COL4A2: variants seen among roughly 807,000 people sequenced by gnomAD.
COL4A2 encodes collagen type IV alpha 2 chain.
COL4A2 carries 99 observed loss-of-function variants against 200.2 expected under a neutral mutation model. That is an observed-to-expected ratio of 0.49 (90% CI 0.42 to 0.58). The LOEUF is 0.58. Ranked by LOEUF, COL4A2 falls within the 20% of genes least tolerant of loss-of-function variation. The pLI is 0.00. For synonymous variants in COL4A2, 897 were observed against 900.6 expected (o/e 1.00, Z 0.07); for missense variants, 1,950 against 2,314.1 (o/e 0.84, Z 3.23).
intron 3 of COL4A2, among the ~76,000 whole-genome samples, chr13:110,318,533 G>A (rs1383786179): frequency 6.6e-6 from 1 of 152,210 alleles, no homozygotes; most frequent in Non-Finnish European, 1.5e-5. Context: ...CACAGGAAAT[G>A]TCAGGACTCA....
chr13:110,488,074 TG>T (rs1883167804), intron 34 of COL4A2, among the ~76,000 whole-genome samples: 1 of 152,314 alleles, frequency 6.6e-6, no homozygotes, highest in East Asian at 1.9e-4. Flanking sequence ...TCACCCAGGC[TG>T]GAGTGCAATG....
chr13:110,346,702 A>T (rs1389129529), intron 3 of COL4A2, among the ~76,000 whole-genome samples: 1 of 151,058 alleles, frequency 6.6e-6, no homozygotes, highest in Non-Finnish European at 1.5e-5. Context: ...TGCCTGCCTG[A>T]CGGCTGACGA....
intron 31 of COL4A2, among the ~76,000 whole-genome samples, chr13:110,480,690 G>T (rs970101544): frequency 6.6e-6 from 1 of 152,256 alleles, no homozygotes; most frequent in Non-Finnish European, 1.5e-5. Context: ...TCTGCACAGG[G>T]AAATTTGTGG....
chr13:110,398,413 C>G (rs902402323), intron 4 of COL4A2, among the ~76,000 whole-genome samples: 3 of 152,198 alleles, frequency 2.0e-5, no homozygotes, highest in Non-Finnish European at 2.9e-5. Context: ...AATTCCAACA[C>G]TTTGGGAGGC....
chr13:110,508,399 A>G lies in COL4A2; in HGVS notation c.4881+178A>G. On this transcript the variant is annotated intron_variant, in intron 47 of 47. Transcript: ENST00000360467. The surrounding 1 kb of genome is among the most constrained non-coding windows in gnomAD (Gnocchi z 6.1). Reference sequence around the variant, plus strand: ...CAGCTTACACTTGGCTAACTGAGCCACATGCTGGGCACAGGGCTTCCTCCA... The same window carrying G: ...CAGCTTACACTTGGCTAACTGAGCCGCATGCTGGGCACAGGGCTTCCTCCA... The G allele has an allele frequency of 1.0e-6, 1 of 996,870 alleles. No individual in the cohort carries two copies. The highest frequency in any genetic ancestry group is 1.4e-6 in the Non-Finnish European group (1 of 692,054). The allele number at this position is 996,870 out of a possible 1,614,324, so 61.8% of individuals were successfully genotyped here.
rs184812559 is a variant in COL4A2, at chr13:110,489,765, G to A, written c.3326G>A (p.Arg1109Gln). 3.3e-3 allele frequency: 5,267 copies of A among 1,612,214 alleles called. 17 individuals carry two copies. The highest frequency in any genetic ancestry group is 3.2e-3 in the Non-Finnish European group (3,746 of 1,179,464). Residue 1109 changes from arginine (R) to glutamine (Q), a missense_variant, in exon 36 of 48, where the codon CGG (arginine) becomes CAG (glutamine). Around this residue, in one of 2 missense-constraint regions of COL4A2, gnomAD observed 1,385 missense variants for 1,720.5 expected, o/e 0.80. Transcript: ENST00000360467. The stretch of plus-strand genomic sequence containing the variant: ...GGAAGACCAGGCCTGAAGGGGGAGC[G>A]GGGCACCACTGGAATACCAGGTACG... The part of the protein sequence containing the change: ...LPGRPGLKGE[R>Q]GTTGIPGLKG...
intron 4 of COL4A2, among the ~76,000 whole-genome samples, chr13:110,382,133 C>T (rs183103406): frequency 7.9e-5 from 12 of 152,242 alleles, no homozygotes; most frequent in African/African-American, 2.9e-4. Flanking sequence ...TTCCATTCAT[C>T]GAATCATAAA....
chr13:110,383,471 T>G (rs1878567090), intron 4 of COL4A2, among the ~76,000 whole-genome samples: 1 of 152,198 alleles, frequency 6.6e-6, no homozygotes, highest in Non-Finnish European at 1.5e-5. Context: ...GAGAGTTACA[T>G]TCATAGGTTT....
chr13:110,393,740 G>A (rs759268943), intron 4 of COL4A2, among the ~76,000 whole-genome samples: 10 of 152,090 alleles, frequency 6.6e-5, no homozygotes, highest in Non-Finnish European at 1.3e-4. Context: ...ATAGACGGGC[G>A]TGGTGGCACA....
At chr13:110,453,556 C>T (rs926498236) in intron 20 of COL4A2, among the ~76,000 whole-genome samples, 4 of 152,206 alleles carry the variant, frequency 2.6e-5, no homozygotes, top group Non-Finnish European at 4.4e-5. Context: ...CAAAGGCTAA[C>T]GTTGCCATTA....
intron 4 of COL4A2, among the ~76,000 whole-genome samples, chr13:110,415,767 G>C (rs1020440273): frequency 6.6e-6 from 1 of 152,200 alleles, no homozygotes; most frequent in Non-Finnish European, 1.5e-5. Context: ...CCGGGAGCCC[G>C]CCTTTGGAAG....
chr13:110,461,987 G>T, intron 22 of COL4A2, 127 bp from the exon 23 acceptor site: 4 of 1,392,688 alleles, frequency 2.9e-6, no homozygotes, highest in Non-Finnish European at 3.9e-6. Context: ...GTGCTCCTTG[G>T]GTGGCGCTCG....
chr13:110,405,007 CAG>C (rs1594194796), intron 4 of COL4A2, among the ~76,000 whole-genome samples: 1 of 152,170 alleles, frequency 6.6e-6, no homozygotes, highest in Non-Finnish European at 1.5e-5. Context: ...CTCAGCTACT[CAG>C]AAAGTTGAGA....
chr13:110,495,210 A>G, intron 39 of COL4A2, 132 bp from the exon 40 acceptor site: 2 of 1,047,036 alleles, frequency 1.9e-6, no homozygotes, highest in Non-Finnish European at 3.0e-6. Flanking sequence ...ATATATTGCA[A>G]TGCAAGCTGA....
intron 4 of COL4A2, among the ~76,000 whole-genome samples, chr13:110,385,430 AGT>A (rs1317704098): frequency 1.3e-4 from 11 of 83,068 alleles, no homozygotes; most frequent in East Asian, 7.8e-4. Context: ...CTGTGGTTAC[AGT>A]GCCTGGATAG....
At position 110,457,380 on chromosome 13, in the gene COL4A2, AGGCTTCCCTG is replaced by A. The variant is rs1041883574; in HGVS notation, c.1386_1395del (p.Gly463AlafsTer105). ...GGCTGAAAGGAGCAAAAGGAAGAGCAGGCTTCCCTGGGCTTCCCGGCTCCCCTGGAGCCCG... is the reference window on the plus strand; with the variant it reads ...GGCTGAAAGGAGCAAAAGGAAGAGCAGGCTTCCCGGCTCCCCTGGAGCCCG... On this transcript the variant is annotated frameshift_variant, in exon 21 of 48. Transcript: ENST00000360467. LOFTEE classifies it high-confidence loss of function. 1.2e-6 allele frequency: 2 copies of A among 1,613,580 alleles called. No individual in the cohort carries two copies. Among genetic ancestry groups the A allele is most frequent in the South Asian group, 1.1e-5 (1 of 91,080 alleles).
intron 10 of COL4A2, among the ~76,000 whole-genome samples, chr13:110,431,820 C>G (rs1184071361): frequency 6.6e-6 from 1 of 152,184 alleles, no homozygotes; most frequent in African/African-American, 2.4e-5. Flanking sequence ...TGCTTTAATC[C>G]TAAGCACAGT....
chr13:110,384,916 T>C lies in COL4A2; in HGVS notation c.180+27364T>C, dbSNP rs190065647. On this transcript the variant is annotated intron_variant, in intron 4 of 47. Coordinates refer to ENST00000360467, the MANE Select transcript of COL4A2 (RefSeq NM_001846.4). ...TAGAAGGAGCTGAGAAAAGAGGAGA[T>C]GAGGGTACACTGTAGGGAAGAAGTG... 5.3e-4 allele frequency among the ~76,000 whole-genome samples: 81 copies of C among 152,212 alleles called. No homozygotes were observed. In the East Asian group the frequency reaches 0.014, roughly 25 times the overall value.
chr13:110,423,254 C>A (rs1408227947), intron 4 of COL4A2, among the ~76,000 whole-genome samples: 1 of 100,042 alleles, frequency 1.0e-5, no homozygotes, highest in Non-Finnish European at 2.5e-5. Context: ...ATAGAACTTC[C>A]CCTCCCCTCC....
Sources: gnomAD v4.1 joint callset for allele counts (sites outside exome capture counted in the v4.1 genomes callset) on GRCh38, gnomAD v4.1.1 for gene constraint, gnomAD v4.1.1 regional missense constraint, Gnocchi (gnomAD v3.1) non-coding constraint, MANE v1.5 for transcripts, NCBI Gene and HGNC (gene_info 2026-07-23, HGNC 2026-07-21) for gene names.